YTHDC1: variants seen among roughly 807,000 people sequenced by gnomAD.
YTHDC1 encodes the protein YTH N6-methyladenosine RNA binding protein C1.
In YTHDC1, 12 loss-of-function variants were observed where a neutral mutation model predicts 107.0. The ratio of observed to expected loss-of-function variants is 0.11; its 90% CI spans 0.07 to 0.18. The LOEUF is 0.18. Ranked by LOEUF, YTHDC1 falls within the 10% of genes least tolerant of loss-of-function variation. The probability of loss-of-function intolerance (pLI) is 1.00; values close to 1 mark genes in which losing one functional copy is unlikely to be tolerated. For synonymous variants in YTHDC1, 280 were observed against 289.5 expected, an observed-to-expected ratio of 0.97 and a Z score of 0.33; for missense variants, 635 against 898.8, an observed-to-expected ratio of 0.71 and a Z score of 3.75.
chr4:68,318,397 G>A (rs938329200), intron 15 of YTHDC1, 122 bp downstream of exon 15: 14 of 988,316 alleles, frequency 1.4e-5, no homozygotes, highest in South Asian at 1.1e-4. Context: ...TGTGAGCCAC[G>A]GCGCCTGGCC....
chr4:68,349,530 C>T (rs1259366605), intron 1 of YTHDC1, among the ~76,000 whole-genome samples, 196 bp downstream of exon 1: 1 of 151,898 alleles, frequency 6.6e-6, no homozygotes, highest in African/African-American at 2.4e-5. Flanking sequence ...AGTGCTAGGC[C>T]ATATGGAGAC....
chr4:68,328,611 T>G (rs189495585), intron 9 of YTHDC1, among the ~76,000 whole-genome samples: 1 of 152,334 alleles, frequency 6.6e-6, no homozygotes, highest in Non-Finnish European at 1.5e-5. Context: ...TAACTAATTT[T>G]CTATTTCAAA....
At chr4:68,342,671 T>C (rs1218394488) in intron 1 of YTHDC1, among the ~76,000 whole-genome samples, 2 of 152,238 alleles carry the variant, frequency 1.3e-5, no homozygotes, top group Non-Finnish European at 2.9e-5. Context: ...AAAGCTAATG[T>C]AAACTGCTGC....
Position 68,323,470 on chromosome 4 carries a change from G to A in YTHDC1, c.1435-555C>T, listed in dbSNP as rs192511627. Among the ~76,000 whole-genome samples the A allele has an allele frequency of 1.9e-4, 29 of 152,308 alleles. No individual in the cohort carries two copies. The East Asian group carries it at 3.9e-3, about 20-fold the overall frequency. Reference sequence around the variant, plus strand: ...TGGCCAGGCATAGTGGCTCATGCCTGTAATTCCAGCACTTTGGGAGCCCCA... The same window carrying A: ...TGGCCAGGCATAGTGGCTCATGCCTATAATTCCAGCACTTTGGGAGCCCCA... On this transcript the variant is annotated intron_variant, in intron 10 of 16. Coordinates refer to ENST00000344157, the MANE Select transcript of YTHDC1 (RefSeq NM_001031732.4).
intron 7 of YTHDC1, 90 bp from the exon 8 acceptor site, chr4:68,330,400 G>A (rs1723441015): frequency 1.2e-6 from 1 of 834,840 alleles, no homozygotes; most frequent in South Asian, 3.1e-5. Flanking sequence ...ACATATTTTG[G>A]TGTGCTTTCA....
At position 68,337,286 on chromosome 4, in the gene YTHDC1, ATCT is replaced by A; in HGVS notation, c.621_623del (p.Glu207del). On this transcript the variant is annotated inframe_deletion, in exon 4 of 17. Coordinates refer to ENST00000344157, the MANE Select transcript of YTHDC1 (RefSeq NM_001031732.4). ...CTTCTACTTCTTCATCTTCCTCCAC[ATCT>A]TCTTCCACTCCTTCCTCCTCATTCT... The A allele has an allele frequency of 2.5e-6, 4 of 1,610,696 alleles. No individual in the cohort carries two copies. Among genetic ancestry groups the A allele is most frequent in the South Asian group, 1.1e-5 (1 of 90,884 alleles).
At chr4:68,316,539 A>G (rs764598276) in intron 15 of YTHDC1, 91 bp from the exon 16 acceptor site, 173 of 1,451,234 alleles carry the variant, frequency 1.2e-4, no homozygotes, top group Non-Finnish European at 1.5e-4. Context: ...CACCAATCCC[A>G]AACAAGTGAA....
At chr4:68,316,535 T>C in intron 15 of YTHDC1, 87 bp from the exon 16 acceptor site, 1 of 1,474,166 alleles carries the variant, frequency 6.8e-7, no homozygotes, top group Non-Finnish European at 9.2e-7. Context: ...AAAACACCAA[T>C]CCCAAACAAG....
chr4:68,333,263 G>A (rs1723788395), intron 5 of YTHDC1, 45 bp downstream of exon 5: 3 of 1,449,244 alleles, frequency 2.1e-6, no homozygotes, highest in Non-Finnish European at 1.9e-6. Flanking sequence ...TTCTAAAGCA[G>A]ATTACATTAG....
At chr4:68,333,566 G>C (rs886870321) in intron 4 of YTHDC1, among the ~76,000 whole-genome samples, 169 bp from the exon 5 acceptor site, 2 of 152,022 alleles carry the variant, frequency 1.3e-5, no homozygotes, top group South Asian at 4.1e-4. Context: ...TAAAAATACT[G>C]TTTAAAAAGT....
At chr4:68,331,587 T>C (rs147951303) in intron 7 of YTHDC1, among the ~76,000 whole-genome samples, 249 of 152,244 alleles carry the variant, frequency 1.6e-3, no homozygotes, top group Non-Finnish European at 2.6e-3. Context: ...TACAACATCC[T>C]ACAGCAACTA....
chr4:68,331,954 A>G, intron 7 of YTHDC1, 149 bp downstream of exon 7: 1 of 454,736 alleles, frequency 2.2e-6, no homozygotes, highest in South Asian at 6.1e-5. Context: ...CTGACTGACT[A>G]CAACCAGATC....
chr4:68,347,978 A>G (rs1392353411), intron 1 of YTHDC1, among the ~76,000 whole-genome samples: 1 of 152,202 alleles, frequency 6.6e-6, no homozygotes, highest in East Asian at 1.9e-4. Context: ...TTTTAAATAA[A>G]GTTATGAAAA....
Position 68,333,545 on chromosome 4 carries a change from A to C in YTHDC1, c.884-148T>G, listed in dbSNP as rs927172362. On this transcript the variant is annotated intron_variant, in intron 4 of 16. Transcript: ENST00000344157. ...CTCCTGATCCCTCAATTTCCTCAGA[A>C]TGTTTTATTTTAAAAATACTGTTTA... is the stretch of plus-strand genomic sequence containing the variant. 7.7e-6 allele frequency: 4 copies of C among 520,002 alleles called. No homozygotes were observed. The African/African-American group carries it at 7.9e-5, about 10-fold the overall frequency. 32.2% of individuals were successfully genotyped at this position (520,002 alleles called of 1,614,324 possible).
Position 68,332,255 on chromosome 4 carries a change from C to A in YTHDC1, c.1028-58G>T. ...ACAAGCCATTATCACACAAAGGGGT[C>A]AAAACTGTACTAACTGAAATTAGCC... is the stretch of plus-strand genomic sequence containing the variant. On this transcript the variant is annotated intron_variant, in intron 6 of 16. Coordinates refer to ENST00000344157, the MANE Select transcript of YTHDC1 (RefSeq NM_001031732.4). 3 of 1,142,724 alleles carry A rather than the reference C, an allele frequency of 2.6e-6. No individual in the cohort carries two copies. In the South Asian group the frequency reaches 4.6e-5, roughly 18 times the overall value. 70.8% of individuals were successfully genotyped at this position (1,142,724 alleles called of 1,614,324 possible).
At chr4:68,336,788 G>A (rs1322611580) in intron 4 of YTHDC1, among the ~76,000 whole-genome samples, 1 of 152,044 alleles carries the variant, frequency 6.6e-6, no homozygotes, top group East Asian at 1.9e-4. Flanking sequence ...AGAATCAAAT[G>A]GACTTGTGTT....
intron 1 of YTHDC1, among the ~76,000 whole-genome samples, chr4:68,346,724 T>C (rs1275181690): frequency 6.6e-6 from 1 of 152,200 alleles, no homozygotes; most frequent in Non-Finnish European, 1.5e-5. Context: ...CTTATTTTAC[T>C]TAATAATAGC....
At chr4:68,345,559 A>T (rs1725314985) in intron 1 of YTHDC1, among the ~76,000 whole-genome samples, 1 of 149,428 alleles carries the variant, frequency 6.7e-6, no homozygotes. Context: ...CTCCAAATGA[A>T]GTTTAAAAAC....
intron 9 of YTHDC1, among the ~76,000 whole-genome samples, chr4:68,329,675 C>T (rs1474688230): frequency 6.6e-6 from 1 of 152,170 alleles, no homozygotes; most frequent in Non-Finnish European, 1.5e-5. Flanking sequence ...AACTAGTTAC[C>T]TCCGAAATTG....
Sources: gnomAD v4.1 joint callset for allele counts (sites outside exome capture counted in the v4.1 genomes callset) on GRCh38, gnomAD v4.1.1 for gene constraint, MANE v1.5 for transcripts, NCBI Gene and HGNC (gene_info 2026-07-23, HGNC 2026-07-21) for gene names.